LCLAT1: variants seen among roughly 807,000 people sequenced by gnomAD.
LCLAT1 encodes lysocardiolipin acyltransferase 1, also known as 1-AGP acyltransferase 8.
In LCLAT1, 11 loss-of-function variants were observed where a neutral mutation model predicts 30.7. That is an observed-to-expected ratio of 0.36 (90% confidence interval 0.23 to 0.59). LCLAT1 has a LOEUF of 0.59. Among genes scored for constraint, LCLAT1 ranks in the 20% least tolerant of loss-of-function variants. LCLAT1 has a pLI of 0.77. For missense variants in LCLAT1, 402 were observed against 458.6 expected (o/e 0.88, Z 1.13); for synonymous variants, 155 against 151.3 (o/e 1.02, Z -0.18).
intron 3 of LCLAT1, among the ~76,000 whole-genome samples, chr2:30,557,103 A>G (rs879373765): frequency 6.6e-6 from 1 of 152,182 alleles, no homozygotes; most frequent in Non-Finnish European, 1.5e-5. Flanking sequence ...TTATTTTTCT[A>G]CTAACTCATT....
At chr2:30,576,655 A>T (rs1047379438) in intron 5 of LCLAT1, among the ~76,000 whole-genome samples, 3 of 152,154 alleles carry the variant, frequency 2.0e-5, no homozygotes, top group Non-Finnish European at 4.4e-5. Flanking sequence ...TTTATATAGT[A>T]TGCAGTTTCA....
At chr2:30,513,472 TTGACCCCTAGTCTCA>T (rs935788204) in intron 1 of LCLAT1, among the ~76,000 whole-genome samples, 2 of 152,222 alleles carry the variant, frequency 1.3e-5, no homozygotes, top group Non-Finnish European at 2.9e-5. Flanking sequence ...GTGTACTTTA[TTGACCCCTAGTCTCA>T]TGAATGAATG....
intron 1 of LCLAT1, among the ~76,000 whole-genome samples, chr2:30,505,796 G>T (rs1025539423): frequency 3.9e-5 from 6 of 152,008 alleles, no homozygotes; most frequent in African/African-American, 1.2e-4. Context: ...CATATACTTG[G>T]CTTCTATGTA....
intron 1 of LCLAT1, among the ~76,000 whole-genome samples, chr2:30,469,395 A>AT (rs1396606919): frequency 6.6e-6 from 1 of 151,966 alleles, no homozygotes; most frequent in Non-Finnish European, 1.5e-5. Context: ...TTTTTGATAG[A>AT]TTTTGAATGA....
chr2:30,536,947 G>T (rs181309318), intron 3 of LCLAT1, among the ~76,000 whole-genome samples: 322 of 152,200 alleles, frequency 2.1e-3, no homozygotes, highest in African/African-American at 7.4e-3. Flanking sequence ...TACAAAGCAG[G>T]ACCCAACTAT....
chr2:30,596,516 A>T (rs112724415), intron 5 of LCLAT1, among the ~76,000 whole-genome samples: 13,181 of 150,620 alleles, frequency 0.088, 1,934 homozygotes, highest in African/African-American at 0.3. Flanking sequence ...AAATTTGTTT[A>T]AGTTTCTTGT....
intron 1 of LCLAT1, chr2:30,459,770 A>G (rs200032678): frequency 2.4e-6 from 3 of 1,246,360 alleles, no homozygotes; most frequent in Admixed American, 1.7e-5. Flanking sequence ...GTCTTGCTTC[A>G]TATATCTGAA....
chr2:30,502,772 G>A (rs1684461636), intron 1 of LCLAT1, among the ~76,000 whole-genome samples: 1 of 152,118 alleles, frequency 6.6e-6, no homozygotes, highest in African/African-American at 2.4e-5. Flanking sequence ...CGTTCAACAA[G>A]TGAAGTCTAT....
chr2:30,464,108 T>G (rs1036300244), intron 1 of LCLAT1, among the ~76,000 whole-genome samples: 3 of 152,218 alleles, frequency 2.0e-5, no homozygotes, highest in Non-Finnish European at 4.4e-5. Flanking sequence ...TATTTTCCTA[T>G]GCCCTCACTT....
chr2:30,494,949 T>C (rs1422056935), intron 1 of LCLAT1, among the ~76,000 whole-genome samples: 2 of 148,820 alleles, frequency 1.3e-5, no homozygotes, highest in Non-Finnish European at 3.0e-5. Flanking sequence ...TTTCATGAAG[T>C]GTGATTTTTT....
At chr2:30,539,741 G>A (rs1297540994) in intron 3 of LCLAT1, among the ~76,000 whole-genome samples, 1 of 152,152 alleles carries the variant, frequency 6.6e-6, no homozygotes, top group African/African-American at 2.4e-5. Flanking sequence ...TCAGGAGAAG[G>A]AAAAGGTAAA....
chr2:30,533,181 A>G lies in LCLAT1; in HGVS notation c.231A>G (p.Glu77=). 6.2e-7 allele frequency: 1 copy of G among 1,614,120 alleles called. No homozygotes were observed. Among genetic ancestry groups the G allele is most frequent in the East Asian group, 2.2e-5 (1 of 44,872 alleles). ...CTGGGGATGCATTTGTTCCTGGAGA[A>G]AGAAGTGTCATTATCATGAACCATC... is the stretch of plus-strand genomic sequence containing the variant. ...IITGDAFVPG[E]RSVIIMNHRT... is the part of the protein sequence containing the mutation. The change falls in exon 3 of 6, where the codon GAA becomes GAG. Residue 77 remains glutamate, a synonymous_variant. Coordinates refer to ENST00000379509, the MANE Select transcript of LCLAT1 (RefSeq NM_001002257.3).
intron 1 of LCLAT1, among the ~76,000 whole-genome samples, chr2:30,506,948 A>G (rs1226711016): frequency 6.6e-6 from 1 of 152,218 alleles, no homozygotes; most frequent in Non-Finnish European, 1.5e-5. Context: ...AGAGTGGTGC[A>G]TAAATAATGA....
At chr2:30,532,218 T>G (rs1686014286) in intron 2 of LCLAT1, among the ~76,000 whole-genome samples, 1 of 152,218 alleles carries the variant, frequency 6.6e-6, no homozygotes, top group African/African-American at 2.4e-5. Context: ...CTTTCATTGT[T>G]GTATCATTTT....
At chr2:30,572,079 T>A (rs748217824) in intron 5 of LCLAT1, among the ~76,000 whole-genome samples, 2 of 152,208 alleles carry the variant, frequency 1.3e-5, no homozygotes, top group Non-Finnish European at 2.9e-5. Flanking sequence ...TCAGAGACCT[T>A]TGATGTCTCT....
intron 5 of LCLAT1, among the ~76,000 whole-genome samples, chr2:30,638,969 CT>C (rs1558573873): frequency 6.6e-6 from 1 of 152,140 alleles, no homozygotes; most frequent in Non-Finnish European, 1.5e-5. Flanking sequence ...CTCTTTTGCC[CT>C]TGGTCCTCTC....
At chr2:30,520,048 A>G (rs977094402) in intron 1 of LCLAT1, among the ~76,000 whole-genome samples, 1 of 151,878 alleles carries the variant, frequency 6.6e-6, no homozygotes, top group Non-Finnish European at 1.5e-5. Context: ...GGTTTGTCCT[A>G]CTCGAGCTGA....
chr2:30,486,353 G>A (rs1032333674), intron 1 of LCLAT1, among the ~76,000 whole-genome samples: 1 of 152,126 alleles, frequency 6.6e-6, no homozygotes, highest in African/African-American at 2.4e-5. Context: ...AACAAGATAT[G>A]TACTTGTATT....
In LCLAT1 at chr2:30,518,580, A is replaced by G. The variant is rs190446591; in HGVS notation, c.-4-7007A>G. 1.5e-3 allele frequency among the ~76,000 whole-genome samples: 221 copies of G among 152,296 alleles called. 1 individual carries two copies. The highest frequency in any genetic ancestry group is 4.9e-3 in the African/African-American group (204 of 41,568). On this transcript the variant is annotated intron_variant, in intron 1 of 5. Transcript: ENST00000379509. ...ATGCAATAGCCCCTGCAGTACTCCA[A>G]TTTTAGGAGTGCAGAAGCCCAACGG...
Sources: gnomAD v4.1 joint callset for allele counts (sites outside exome capture counted in the v4.1 genomes callset) on GRCh38, gnomAD v4.1.1 for gene constraint, MANE v1.5 for transcripts, NCBI Gene and HGNC (gene_info 2026-07-23, HGNC 2026-07-21) for gene names.